UTP20: variants seen among roughly 807,000 people sequenced by gnomAD.
UTP20 encodes UTP20 small subunit processome component, also known as small subunit processome component 20 homolog.
A neutral mutation model predicts 329.5 loss-of-function variants in UTP20; 164 were observed. The ratio of observed to expected loss-of-function variants is 0.50; its 90% confidence interval spans 0.44 to 0.57. The LOEUF is 0.57. UTP20 is among the 20% of genes least tolerant of loss of function. The pLI is 0.00. For missense variants in UTP20, 3,055 were observed against 3,284.2 expected (o/e 0.93, Z 1.71); for synonymous variants, 1,151 against 1,159.3 (o/e 0.99, Z 0.14).
intron 40 of UTP20, among the ~76,000 whole-genome samples, chr12:101,353,837 G>A (rs1376082367): frequency 1.3e-5 from 2 of 152,146 alleles, no homozygotes; most frequent in African/African-American, 4.8e-5. Context: ...TAAGTGAAAA[G>A]GTATCTTCGT....
At chr12:101,282,294 G>A (rs1006901063) in intron 2 of UTP20, among the ~76,000 whole-genome samples, 23 of 152,112 alleles carry the variant, frequency 1.5e-4, no homozygotes, top group Non-Finnish European at 8.8e-5. Context: ...TGATCTAGAC[G>A]AGGTGACACC....
In UTP20 at chr12:101,354,836, A is replaced by C; in HGVS notation, c.5112A>C (p.Ala1704=). The change falls in exon 41 of 62, where the codon GCA becomes GCC. Residue 1704 remains alanine (A), a synonymous_variant. Coordinates refer to ENST00000261637, the MANE Select transcript of UTP20 (RefSeq NM_014503.3). ...QMGKIENEEN[A]IEAIELPEPE... ...TTTGTTGTTTATTAAACATAGACGC[A>C]ATTGAAGCAATTGAGTTACCAGAGC... 3.1e-6 allele frequency: 5 copies of C among 1,612,774 alleles called. No homozygotes were observed. The highest frequency in any genetic ancestry group is 4.2e-6 in the Non-Finnish European group (5 of 1,179,356).
intron 48 of UTP20, 48 bp downstream of exon 48, chr12:101,368,024 G>T: frequency 1.5e-6 from 2 of 1,334,850 alleles, no homozygotes; most frequent in Non-Finnish European, 2.2e-6. Context: ...TTCTTCAGAA[G>T]AACTATGTTT....
intron 15 of UTP20, among the ~76,000 whole-genome samples, chr12:101,303,423 A>G (rs1185239033): frequency 6.6e-6 from 1 of 152,202 alleles, no homozygotes; most frequent in Non-Finnish European, 1.5e-5. Context: ...TTTTAAATCA[A>G]GGTGAACTTA....
At chr12:101,289,953 G>A in intron 6 of UTP20, 184 bp from the exon 7 acceptor site, 1 of 381,004 alleles carries the variant, frequency 2.6e-6, no homozygotes, top group Non-Finnish European at 4.5e-6. Context: ...TCACTCTTTT[G>A]TGTGACATTC....
At chr12:101,300,578 T>C (rs1227736376) in intron 14 of UTP20, among the ~76,000 whole-genome samples, 1 of 152,206 alleles carries the variant, frequency 6.6e-6, no homozygotes, top group Non-Finnish European at 1.5e-5. Context: ...TATGACTCTT[T>C]AGGCAGAATT....
At position 101,283,476 on chromosome 12, in the gene UTP20, A is replaced by G. The variant is rs1428482255; in HGVS notation, c.127-2094A>G. Reference sequence around the variant, plus strand: ...ATTAGTCAAAGCAAGTCAGGAGGCCAGGCCAGATTCAAAGGGTGAGGAAAC... The same window carrying G: ...ATTAGTCAAAGCAAGTCAGGAGGCCGGGCCAGATTCAAAGGGTGAGGAAAC... On this transcript the variant is annotated intron_variant, in intron 2 of 61. Transcript: ENST00000261637. 2.6e-5 allele frequency among the ~76,000 whole-genome samples: 4 copies of G among 152,312 alleles called. No homozygotes were observed. In the East Asian group the frequency reaches 5.8e-4, roughly 22 times the overall value.
intron 29 of UTP20, 24 bp from the exon 30 acceptor site, chr12:101,338,027 T>C: frequency 1.9e-6 from 3 of 1,604,928 alleles, no homozygotes. Flanking sequence ...AATAAGATGA[T>C]TACTACAATG....
Position 101,361,877 on chromosome 12 carries a change from T to C in UTP20, c.5692-85T>C. The C allele has an allele frequency of 3.9e-6, 4 of 1,022,770 alleles. No individual in the cohort carries two copies. In the South Asian group the frequency reaches 5.3e-5, roughly 14 times the overall value. 63.4% of individuals were successfully genotyped at this position (1,022,770 alleles called of 1,614,324 possible). On this transcript the variant is annotated intron_variant, in intron 43 of 61. Transcript: ENST00000261637. ...ATAAAAGACATATAAACTCTGAGTG[T>C]TCTCTTTGCAGTGCTTCCTAGATCT...
At chr12:101,339,469 A>G (rs1247719674) in intron 31 of UTP20, among the ~76,000 whole-genome samples, 1 of 152,186 alleles carries the variant, frequency 6.6e-6, no homozygotes, top group Non-Finnish European at 1.5e-5. Flanking sequence ...TGGATTACTT[A>G]CTAGAAACCG....
chr12:101,294,304 T>A (rs1475056329), intron 11 of UTP20, among the ~76,000 whole-genome samples: 1 of 152,070 alleles, frequency 6.6e-6, no homozygotes, highest in Non-Finnish European at 1.5e-5. Flanking sequence ...TATTTTTTTC[T>A]TATATTTACT....
intron 39 of UTP20, 31 bp from the exon 40 acceptor site, chr12:101,353,016 G>A: frequency 1.4e-6 from 2 of 1,380,418 alleles, no homozygotes; most frequent in Admixed American, 2.0e-5. Flanking sequence ...ATAATCAAAT[G>A]AACATTTCTG....
chr12:101,373,796 T>C (rs754543488), intron 54 of UTP20, 29 bp downstream of exon 54: 1 of 1,600,844 alleles, frequency 6.2e-7, no homozygotes, highest in Non-Finnish European at 8.5e-7. Context: ...CACAGTTCAG[T>C]GACAAGTCTT....
chr12:101,320,680 C>A (rs1368729467), intron 23 of UTP20, among the ~76,000 whole-genome samples, 172 bp from the exon 24 acceptor site: 1 of 152,092 alleles, frequency 6.6e-6, no homozygotes, highest in African/African-American at 2.4e-5. Context: ...ATATTCTGTT[C>A]ATCTTTTTTT....
At chr12:101,286,709 A>G (rs541361592) in intron 5 of UTP20, among the ~76,000 whole-genome samples, 200 bp downstream of exon 5, 6 of 151,960 alleles carry the variant, frequency 3.9e-5, no homozygotes, top group South Asian at 2.1e-4. Context: ...TACTGGAAGT[A>G]TACCCACCCA....
rs199642959 is a variant in UTP20, at chr12:101,309,784, G to A, written c.2176G>A (p.Gly726Ser). The change falls in exon 19 of 62, where the codon GGC becomes AGC. Residue 726 changes from glycine to serine, a missense_variant. Coordinates refer to ENST00000261637, the MANE Select transcript of UTP20 (RefSeq NM_014503.3). The part of the protein sequence containing the change: ...LQEVPLRYLL[G>S]MLYINFSALW... ...GCAGGTGCCGCTTCGTTATTTGTTA[G>A]GCATGCTATATATTAATTTCAGTGC... 19 of 1,613,580 alleles carry A rather than the reference G, an allele frequency of 1.2e-5. No homozygotes were observed. In the African/African-American group the frequency reaches 1.6e-4, roughly 14 times the overall value.
At position 101,383,679 on chromosome 12, in the gene UTP20, C is replaced by G. The variant is rs1399459669; in HGVS notation, c.8056+10C>G. ...ACCTATTCAGAGCAAGGTAACCCTG[C>G]CTCGTCTGTTCTCCTGCCTTTTGCA... On this transcript the variant is annotated intron_variant, in intron 60 of 61. Transcript: ENST00000261637. 4 of 1,569,604 alleles carry G rather than the reference C, an allele frequency of 2.5e-6. No individual in the cohort carries two copies. The highest frequency in any genetic ancestry group is 3.5e-6 in the Non-Finnish European group (4 of 1,154,592).
At chr12:101,325,563 C>T (rs1232565986) in intron 25 of UTP20, among the ~76,000 whole-genome samples, 2 of 152,208 alleles carry the variant, frequency 1.3e-5, no homozygotes, top group African/African-American at 4.8e-5. Flanking sequence ...AACAAACACA[C>T]TTGATGAGTC....
In UTP20 at chr12:101,334,405, T is replaced by A. The variant is rs779681086; in HGVS notation, c.3562-20T>A. 6.2e-7 allele frequency: 1 copy of A among 1,605,460 alleles called. No homozygotes were observed. The highest frequency in any genetic ancestry group is 2.2e-5 in the East Asian group (1 of 44,808). ...TTTGGTATATGTATTTGGTATTCTG[T>A]TTTTTACTTTGTCTCCTAGATCAGC... On this transcript the variant is annotated intron_variant, in intron 28 of 61. Coordinates refer to ENST00000261637, the MANE Select transcript of UTP20 (RefSeq NM_014503.3).
Sources: gnomAD v4.1 joint callset for allele counts (sites outside exome capture counted in the v4.1 genomes callset) on GRCh38, gnomAD v4.1.1 for gene constraint, MANE v1.5 for transcripts, NCBI Gene and HGNC (gene_info 2026-07-23, HGNC 2026-07-21) for gene names.